CHD6: variants seen among roughly 807,000 people sequenced by gnomAD.
The protein encoded by CHD6 is ATP-dependent chromatin remodeler CHD6.
Under a neutral mutation model 276.9 loss-of-function variants are expected in CHD6, and 50 were observed. The observed-to-expected ratio is 0.18, with a 90% confidence interval of 0.14 to 0.23. The LOEUF (loss-of-function observed/expected upper bound fraction) is 0.23, where lower values mean the gene tolerates loss of function less well. Among genes scored for constraint, CHD6 ranks in the 10% least tolerant of loss-of-function variants. The probability of loss-of-function intolerance (pLI) is 1.00; values close to 1 mark genes in which losing one functional copy is unlikely to be tolerated. For missense variants in CHD6, 2,564 were observed against 3,365.8 expected (o/e 0.76, Z 5.89); for synonymous variants, 1,173 against 1,229.3 (o/e 0.95, Z 0.96).
At chr20:41,587,299 T>C (rs2045606461) in intron 1 of CHD6, among the ~76,000 whole-genome samples, 1 of 152,362 alleles carries the variant, frequency 6.6e-6, no homozygotes, top group South Asian at 2.1e-4. Context: ...TAACTTTAAA[T>C]TGGCCAATCT....
rs777401982 is a variant in CHD6, at chr20:41,488,533, G to A, written c.1752C>T (p.Cys584=). The change falls in exon 13 of 37, where the codon TGC becomes TGT. Residue 584 remains cysteine (C), a synonymous_variant. Coordinates refer to ENST00000373233, the MANE Select transcript of CHD6 (RefSeq NM_032221.5). ...ITTFEMILAD[C]PELKKIHWSC... ...TCCAGTGAATCTTCTTCAACTCTGGGCAGTCTGCTAGGATCATTTCAAATG... is the reference window on the plus strand; with the variant it reads ...TCCAGTGAATCTTCTTCAACTCTGGACAGTCTGCTAGGATCATTTCAAATG... The A allele has an allele frequency of 1.9e-6, 3 of 1,613,908 alleles. No homozygotes were observed. Among genetic ancestry groups the A allele is most frequent in the Non-Finnish European group, 2.5e-6 (3 of 1,179,868 alleles).
chr20:41,490,165 GTTA>G, intron 11 of CHD6, 144 bp from the exon 12 acceptor site: 9 of 752,948 alleles, frequency 1.2e-5, no homozygotes, highest in African/African-American at 3.5e-5. Context: ...ACTGAGGTTA[GTTA>G]TTATTATTAT....
At chr20:41,419,248 TAAC>T (rs2047101301) in intron 31 of CHD6, among the ~76,000 whole-genome samples, 1 of 152,010 alleles carries the variant, frequency 6.6e-6, no homozygotes, top group Non-Finnish European at 1.5e-5. Context: ...GAGTTCTGAA[TAAC>T]TAAAACCAAG....
chr20:41,503,849 G>A (rs1289972178), intron 5 of CHD6, among the ~76,000 whole-genome samples: 1 of 151,960 alleles, frequency 6.6e-6, no homozygotes, highest in Non-Finnish European at 1.5e-5. Flanking sequence ...AGGCCGAAGT[G>A]GGTGGATCAA....
At chr20:41,438,164 T>A (rs1323398539) in intron 26 of CHD6, among the ~76,000 whole-genome samples, 1 of 152,260 alleles carries the variant, frequency 6.6e-6, no homozygotes, top group Non-Finnish European at 1.5e-5. Context: ...GGAGCTCTGC[T>A]GCCACTGGTT....
intron 10 of CHD6, among the ~76,000 whole-genome samples, chr20:41,492,252 G>A (rs996816762): frequency 2.8e-4 from 42 of 152,186 alleles, no homozygotes; most frequent in African/African-American, 9.9e-4. Flanking sequence ...TGACTGACAA[G>A]TTGAATTAAA....
At chr20:41,482,673 A>C (rs1223167497) in intron 16 of CHD6, 2 of 383,304 alleles carry the variant, frequency 5.2e-6, no homozygotes, top group East Asian at 7.6e-5. Context: ...CGGAAAATCT[A>C]AAGTAATACA....
intron 1 of CHD6, among the ~76,000 whole-genome samples, chr20:41,590,050 A>G (rs1020909241): frequency 6.6e-6 from 1 of 152,190 alleles, no homozygotes; most frequent in Non-Finnish European, 1.5e-5. Context: ...AGCCCTCAGA[A>G]GTAATACCAC....
chr20:41,421,732 T>G lies in CHD6; in HGVS notation c.4903A>C (p.Thr1635Pro). The G allele has an allele frequency of 6.2e-7, 1 of 1,614,192 alleles. No individual in the cohort carries two copies. The highest frequency in any genetic ancestry group is 8.5e-7 in the Non-Finnish European group (1 of 1,180,038). Residue 1635 changes from threonine (T) to proline (P), a missense_variant, in exon 31 of 37, where the codon ACC (threonine) becomes CCC (proline). By Grantham distance (38) the Thr-to-Pro change is conservative (BLOSUM62 -1). Around this residue, in one of 7 missense-constraint regions of CHD6, gnomAD observed 1,024 missense variants for 1,047.9 expected, o/e 0.98. Coordinates refer to ENST00000373233, the MANE Select transcript of CHD6 (RefSeq NM_032221.5). ...APGNLCCLYQTNSKLYESLTY... is the reference protein window; with the variant it reads ...APGNLCCLYQPNSKLYESLTY... ...AGAGATTCATATAACTTGGAGTTGG[T>G]CTGGTAAAGGCAACAGAGATTTCCT...
intron 27 of CHD6, among the ~76,000 whole-genome samples, chr20:41,432,753 G>A (rs1309098244): frequency 6.6e-6 from 1 of 152,022 alleles, no homozygotes; most frequent in Non-Finnish European, 1.5e-5. Context: ...AGACAAAAGT[G>A]GCCAATGCTG....
Position 41,484,400 on chromosome 20 carries a change from T to C in CHD6, c.2209A>G (p.Thr737Ala). 1 of 1,613,842 alleles carries C rather than the reference T, an allele frequency of 6.2e-7. No individual in the cohort carries two copies. Among genetic ancestry groups the C allele is most frequent in the Non-Finnish European group, 8.5e-7 (1 of 1,179,796 alleles). Residue 737 changes from threonine to alanine, a missense_variant, in exon 15 of 37, where the codon ACC (threonine) becomes GCC (alanine). Transcript: ENST00000373233. ...CAGCACTTCCTCAGCTCCATCATGG[T>C]GTTGATGAGATTGGGCATGTTGTGC... is the stretch of plus-strand genomic sequence containing the variant. ...NQHNMPNLIN[T>A]MMELRKCCNH...
rs1430876056 is a variant in CHD6, at chr20:41,415,523, T to A, written c.6602A>T (p.His2201Leu). The A allele has an allele frequency of 6.2e-7, 1 of 1,614,042 alleles. No individual in the cohort carries two copies. The highest frequency in any genetic ancestry group is 8.5e-7 in the Non-Finnish European group (1 of 1,180,026). Residue 2201 changes from histidine (H) to leucine (L), a missense_variant, in exon 34 of 37, where the codon CAC becomes CTC. Physicochemically the swap from His to Leu is moderately conservative, Grantham distance 99. This residue lies in a region of CHD6 where 1,024 missense variants were observed against 1,047.9 expected (regional missense o/e 0.98). Transcript: ENST00000373233. ...ATTGAGGATGATAGGGGTGTGCCCGTGGGTGGCAGAGAACTGCTCCAGGCC... is the reference window on the plus strand; with the variant it reads ...ATTGAGGATGATAGGGGTGTGCCCGAGGGTGGCAGAGAACTGCTCCAGGCC... ...ARGLEQFSAT[H>L]GHTPIILNGW...
intron 8 of CHD6, among the ~76,000 whole-genome samples, chr20:41,495,070 C>G (rs1182074081): frequency 6.6e-6 from 1 of 151,316 alleles, no homozygotes; most frequent in Non-Finnish European, 1.5e-5. Context: ...GTTTGTTCAA[C>G]AGTTCTTCAT....
chr20:41,609,960 G>A (rs912068648), intron 1 of CHD6, among the ~76,000 whole-genome samples: 1 of 149,852 alleles, frequency 6.7e-6, no homozygotes, highest in Non-Finnish European at 1.5e-5. Context: ...GGGTTTAAGC[G>A]AGTCTCCTGC....
chr20:41,421,097 A>G lies in CHD6; in HGVS notation c.5538T>C (p.Asp1846=). 1 of 1,614,156 alleles carries G rather than the reference A, an allele frequency of 6.2e-7. No individual in the cohort carries two copies. The highest frequency in any genetic ancestry group is 8.5e-7 in the Non-Finnish European group (1 of 1,180,036). The change falls in exon 31 of 37, where the codon GAT becomes GAC. Residue 1846 remains aspartate (D), a synonymous_variant. Coordinates refer to ENST00000373233, the MANE Select transcript of CHD6 (RefSeq NM_032221.5). ...RNLSSDQQLI[D]LLENKSLESK... is the part of the protein sequence containing the mutation. Reference sequence around the variant, plus strand: ...TTTCTAAGCTTTTGTTTTCCAATAAATCAATTAATTGCTGATCTGATGACA... The same window carrying G: ...TTTCTAAGCTTTTGTTTTCCAATAAGTCAATTAATTGCTGATCTGATGACA...
chr20:41,561,862 T>C (rs2045305208), intron 1 of CHD6, among the ~76,000 whole-genome samples: 1 of 152,202 alleles, frequency 6.6e-6, no homozygotes, highest in Non-Finnish European at 1.5e-5. Flanking sequence ...TCTCTTCCTT[T>C]TTGGAAAGCT....
chr20:41,613,887 G>C (rs558879031), intron 1 of CHD6, among the ~76,000 whole-genome samples: 1 of 152,026 alleles, frequency 6.6e-6, no homozygotes, highest in Admixed American at 6.5e-5. Flanking sequence ...ACTCCCTAGG[G>C]GTCCACGAAC....
At chr20:41,435,107 A>G (rs1221032353) in intron 27 of CHD6, among the ~76,000 whole-genome samples, 1 of 152,210 alleles carries the variant, frequency 6.6e-6, no homozygotes, top group Admixed American at 6.5e-5. Context: ...ACTAAATAAT[A>G]AACACCTAAA....
At chr20:41,430,124 A>G (rs1435823473) in intron 27 of CHD6, among the ~76,000 whole-genome samples, 2 of 152,218 alleles carry the variant, frequency 1.3e-5, no homozygotes, top group Admixed American at 6.5e-5. Context: ...GATGCCGGCC[A>G]TCCCTCTATG....
Sources: allele counts gnomAD v4.1 joint callset (sites outside exome capture counted in the v4.1 genomes callset), GRCh38; gene constraint gnomAD v4.1.1; regional missense constraint gnomAD v4.1.1; transcripts MANE v1.5; gene names NCBI Gene and HGNC (gene_info 2026-07-23, HGNC 2026-07-21).